DGAT1: variants seen among roughly 807,000 people sequenced by gnomAD.
DGAT1 encodes the protein ACAT related gene product 1.
A neutral mutation model predicts 72.6 loss-of-function variants in DGAT1; 60 were observed. The observed-to-expected ratio is 0.83, with a 90% confidence interval of 0.67 to 1.02. The LOEUF (loss-of-function observed/expected upper bound fraction) is 1.02. DGAT1 is among the 50% of genes least tolerant of loss of function. The pLI is 0.00. For synonymous variants in DGAT1, 290 were observed against 267.5 expected (o/e 1.08, Z -0.82); for missense variants, 592 against 670.0 (o/e 0.88, Z 1.29).
intron 2 of DGAT1, among the ~76,000 whole-genome samples, chr8:144,320,323 C>T (rs1186690788): frequency 1.3e-5 from 2 of 152,220 alleles, no homozygotes; most frequent in Non-Finnish European, 2.9e-5. Flanking sequence ...CAGGAATGGG[C>T]TGCGTCTCCT....
intron 1 of DGAT1, among the ~76,000 whole-genome samples, chr8:144,322,754 T>C (rs550246237): frequency 6.6e-6 from 1 of 152,138 alleles, no homozygotes; most frequent in South Asian, 2.1e-4. Flanking sequence ...GGCAGGCAGC[T>C]CCACCCAGCC....
In DGAT1 at chr8:144,314,641, C is replaced by G. The variant is rs149080079; in HGVS notation, c.*1913G>C. 1.9e-3 allele frequency: 786 copies of G among 417,450 alleles called. 8 individuals carry two copies. The highest frequency in any genetic ancestry group is 0.014 in the African/African-American group (733 of 50,576). The allele number at this position is 417,450 out of a possible 1,614,324, so 25.9% of individuals were successfully genotyped here. On this transcript the variant is annotated 3_prime_UTR_variant, in exon 17 of 17. Transcript: ENST00000528718. ...TACACAACTGTCCCGTTCCCCGCTC[C>G]ACAGAGATACACAGATATATACACA...
At chr8:144,322,317 C>G (rs1302337450) in intron 1 of DGAT1, among the ~76,000 whole-genome samples, 3 of 152,234 alleles carry the variant, frequency 2.0e-5, no homozygotes, top group African/African-American at 7.2e-5. Context: ...CCTCACCCCC[C>G]ATCTGCCGTG....
Position 144,318,103 on chromosome 8 carries a change from G to C in DGAT1, c.743C>G (p.Thr248Ser), listed in dbSNP as rs55962377. The C allele has an allele frequency of 1.3e-6, 2 of 1,534,434 alleles. No individual in the cohort carries two copies. The highest frequency in any genetic ancestry group is 4.1e-5 in the Admixed American group (2 of 48,354). The change falls in exon 8 of 17, where the codon ACC becomes AGC. Residue 248 changes from threonine to serine, a missense_variant. Thr to Ser is a moderately conservative substitution (Grantham distance 58). Coordinates refer to ENST00000528718, the MANE Select transcript of DGAT1 (RefSeq NM_012079.6). ...CCCACAGAGGTCCTCACCGCGGTAG[G>C]TCAGATTGTCCGGGTAGCTCACGGT... The part of the protein sequence containing the change: ...PHTVSYPDNL[T>S]YRDLYYFLFA...
chr8:144,318,231 A>G (rs782392313), intron 7 of DGAT1, 30 bp downstream of exon 7: 41 of 1,610,222 alleles, frequency 2.5e-5, no homozygotes, highest in Non-Finnish European at 3.1e-5. Flanking sequence ...GCCCCCCAGC[A>G]GGCAGCCCCA....
chr8:144,321,430 A>G (rs1564633044), intron 1 of DGAT1, 22 bp from the exon 2 acceptor site: 1 of 1,611,706 alleles, frequency 6.2e-7, no homozygotes, highest in East Asian at 2.2e-5. Context: ...CAACACAAGC[A>G]CCCCCTGAGT....
rs1817165933 is a variant in DGAT1, at chr8:144,315,406, G to A, written c.*1148C>T. 2.0e-6 allele frequency: 2 copies of A among 985,514 alleles called. No individual in the cohort carries two copies. Among genetic ancestry groups the A allele is most frequent in the Non-Finnish European group, 2.4e-6 (2 of 829,964 alleles). The allele number at this position is 985,514 out of a possible 1,614,324, so 61.0% of individuals were successfully genotyped here. ...CACACCACCAGTTCAGCAGGTTGCT[G>A]ATGAGGCCCCTGGTGCAGTCCTGGG... On this transcript the variant is annotated 3_prime_UTR_variant, in exon 17 of 17. Coordinates refer to ENST00000528718, the MANE Select transcript of DGAT1 (RefSeq NM_012079.6).
chr8:144,316,305 T>C lies in DGAT1; in HGVS notation c.*249A>G, dbSNP rs1290474187. ...GGCTGAAGAGGTCACTGGACAGCAC[T>C]TTATTGACACCCTCGGACCCGGGGC... is the stretch of plus-strand genomic sequence containing the variant. On this transcript the variant is annotated 3_prime_UTR_variant, in exon 17 of 17. Coordinates refer to ENST00000528718, the MANE Select transcript of DGAT1 (RefSeq NM_012079.6). 1.9e-5 allele frequency: 10 copies of C among 538,296 alleles called. No homozygotes were observed. Among genetic ancestry groups the C allele is most frequent in the Non-Finnish European group, 2.9e-5 (9 of 306,696 alleles). 33.3% of individuals were successfully genotyped at this position (538,296 alleles called of 1,614,324 possible). A position where few individuals can be genotyped will look rare whatever the true frequency, so the allele number is the denominator to read the frequency against.
Position 144,317,576 on chromosome 8 carries a change from A to T in DGAT1, c.949T>A (p.Ser317Thr). The T allele has an allele frequency of 1.2e-6, 2 of 1,613,874 alleles. No individual in the cohort carries two copies. Among genetic ancestry groups the T allele is most frequent in the Non-Finnish European group, 1.7e-6 (2 of 1,180,018 alleles). ...SMKPFKDMDY[S>T]RIIERLLKLA... ...TTCAGGAGGCGCTCGATGATGCGTG[A>T]GTAGTCCATGTCCTGCAGAAACAAG... The change falls in exon 12 of 17, where the codon TCA becomes ACA. Residue 317 changes from serine to threonine, a missense_variant. Transcript: ENST00000528718.
At chr8:144,316,825 G>C (rs985297871) in intron 16 of DGAT1, 28 bp downstream of exon 16, 5 of 1,604,002 alleles carry the variant, frequency 3.1e-6, no homozygotes, top group Non-Finnish European at 3.4e-6. Context: ...AACTGGGCGA[G>C]TGAGGAGGCC....
At chr8:144,322,650 A>G (rs868907742) in intron 1 of DGAT1, among the ~76,000 whole-genome samples, 5 of 152,232 alleles carry the variant, frequency 3.3e-5, no homozygotes, top group South Asian at 2.1e-4. Context: ...CTACACCTAC[A>G]CAGTTCCTGG....
In DGAT1 at chr8:144,314,903, G is replaced by C. The variant is rs1554846587; in HGVS notation, c.*1651C>G. On this transcript the variant is annotated 3_prime_UTR_variant, in exon 17 of 17. Coordinates refer to ENST00000528718, the MANE Select transcript of DGAT1 (RefSeq NM_012079.6). ...GCATGTGCTTGCAGTTCTTTATTGA[G>C]GGACCAGGGGTGGGCGCCTCACCTT... The C allele has an allele frequency of 2.0e-6, 2 of 986,666 alleles. No homozygotes were observed. Among genetic ancestry groups the C allele is most frequent in the African/African-American group, 3.5e-5 (2 of 57,226 alleles). The allele number at this position is 986,666 out of a possible 1,614,324, so 61.1% of individuals were successfully genotyped here. A position where few individuals can be genotyped will look rare whatever the true frequency, so the allele number is the denominator to read the frequency against.
rs781833937 is a variant in DGAT1, at chr8:144,321,393, C to T, written c.216G>A (p.Gln72=). 23 of 1,613,792 alleles carry T rather than the reference C, an allele frequency of 1.4e-5. No homozygotes were observed. In the Admixed American group the frequency reaches 1.7e-4, roughly 12 times the overall value. ...GHWELRCHRL[Q]DSLFSSDSGF... ...CACTGTCAGAGCTGAATAAAGAATC[C>T]TGCAGGCGATGGCACCTGACAGAGC... is the stretch of plus-strand genomic sequence containing the variant. Residue 72 remains glutamine (Q), a synonymous_variant, in exon 2 of 17, where the codon CAG becomes CAA. Coordinates refer to ENST00000528718, the MANE Select transcript of DGAT1 (RefSeq NM_012079.6).
chr8:144,321,730 A>G (rs1817466681), intron 1 of DGAT1, among the ~76,000 whole-genome samples: 1 of 152,252 alleles, frequency 6.6e-6, no homozygotes, highest in Non-Finnish European at 1.5e-5. Flanking sequence ...GCCTCTGGCC[A>G]CTGCCATGTA....
intron 10 of DGAT1, 34 bp downstream of exon 10, chr8:144,317,750 C>T: frequency 1.2e-6 from 2 of 1,613,486 alleles, no homozygotes; most frequent in Middle Eastern, 1.7e-4. Flanking sequence ...CCAGCCATGC[C>T]CAGCTACACC....
rs1299125683 is a variant in DGAT1 at position 144,326,543 on chromosome 8, G to A, written c.94C>T (p.Arg32Trp). The part of the protein sequence containing the change: ...GGPAAAEEEV[R>W]DAAAGPDVGA... ...ACGTCGGGGCCCGCAGCGGCGTCCC[G>A]CACCTCCTCTTCCGCCGCCGCAGGC... Residue 32 changes from arginine to tryptophan, a missense_variant, in exon 1 of 17, where the codon CGG becomes TGG. Arg to Trp is a moderately radical substitution (Grantham distance 101). Coordinates refer to ENST00000528718, the MANE Select transcript of DGAT1 (RefSeq NM_012079.6). The A allele has an allele frequency of 1.3e-5, 16 of 1,270,736 alleles. No homozygotes were observed. In the African/African-American group the frequency reaches 2.2e-4, roughly 17 times the overall value. 78.7% of individuals were successfully genotyped at this position (1,270,736 alleles called of 1,614,324 possible). A position where few individuals can be genotyped will look rare whatever the true frequency, so the allele number is the denominator to read the frequency against.
intron 2 of DGAT1, among the ~76,000 whole-genome samples, chr8:144,319,904 A>G (rs969359873): frequency 6.6e-6 from 1 of 152,182 alleles, no homozygotes; most frequent in Non-Finnish European, 1.5e-5. Flanking sequence ...GCTGGGGAAA[A>G]GGGTCGCTGG....
Position 144,315,253 on chromosome 8 carries a change from T to TC in DGAT1, c.*1300dup. 1.0e-6 allele frequency: 1 copy of TC among 985,246 alleles called. No homozygotes were observed. The highest frequency in any genetic ancestry group is 1.2e-6 in the Non-Finnish European group (1 of 829,934). The allele number at this position is 985,246 out of a possible 1,614,324, so 61.0% of individuals were successfully genotyped here. ...GATGGAGGAGTCGGCCCCACACCCA[T>TC]CCCCCCACCAGGAGCTCACCCACTA... On this transcript the variant is annotated 3_prime_UTR_variant, in exon 17 of 17. Transcript: ENST00000528718.
rs1554847559 is a variant in DGAT1 at position 144,318,278 on chromosome 8, C to G, written c.659G>C (p.Arg220Thr). Residue 220 changes from arginine (R) to threonine (T), a missense_variant, in exon 7 of 17, where the codon AGG becomes ACG. Coordinates refer to ENST00000528718, the MANE Select transcript of DGAT1 (RefSeq NM_012079.6). ...SYRDVNSWCR[R>T]ARAKAASAGK... Reference sequence around the variant, plus strand: ...CCCCTCACCAGCCTTGGCCCTGGCCCTGCGGCACCATGAGTTGACGTCGCG... The same window carrying G: ...CCCCTCACCAGCCTTGGCCCTGGCCGTGCGGCACCATGAGTTGACGTCGCG... The G allele has an allele frequency of 6.2e-7, 1 of 1,612,716 alleles. No individual in the cohort carries two copies. The highest frequency in any genetic ancestry group is 8.5e-7 in the Non-Finnish European group (1 of 1,179,906).
Sources: allele counts gnomAD v4.1 joint callset (sites outside exome capture counted in the v4.1 genomes callset), GRCh38; gene constraint gnomAD v4.1.1; transcripts MANE v1.5; gene names NCBI Gene and HGNC (gene_info 2026-07-23, HGNC 2026-07-21).